ADGRL3: variants seen among roughly 807,000 people sequenced by gnomAD.
ADGRL3 encodes the protein adhesion G protein-coupled receptor L3.
Under a neutral mutation model 153.5 loss-of-function variants are expected in ADGRL3, and 62 were observed. The observed-to-expected ratio is 0.40, with a 90% CI of 0.33 to 0.50. The LOEUF (loss-of-function observed/expected upper bound fraction) is 0.50. ADGRL3 is among the 20% of genes least tolerant of loss of function. The probability of loss-of-function intolerance (pLI) is 0.47; values close to 1 mark genes in which losing one functional copy is unlikely to be tolerated. For synonymous variants in ADGRL3, 710 were observed against 672.5 expected (o/e 1.06, Z -0.86); for missense variants, 1,641 against 1,859.4 (o/e 0.88, Z 2.16).
At chr4:61,246,958 T>C (rs967682828) in intron 1 of ADGRL3, among the ~76,000 whole-genome samples, 2 of 152,060 alleles carry the variant, frequency 1.3e-5, no homozygotes, top group African/African-American at 2.4e-5. Context: ...ATTTATACTA[T>C]ATAACACAAC....
At chr4:61,528,035 A>C (rs943167270) in intron 4 of ADGRL3, among the ~76,000 whole-genome samples, 9 of 152,060 alleles carry the variant, frequency 5.9e-5, no homozygotes, top group Admixed American at 5.9e-4. Flanking sequence ...GAAGCAGTGT[A>C]ATTTAGTGAT....
chr4:61,946,346 G>T (rs2098924013), intron 15 of ADGRL3, among the ~76,000 whole-genome samples: 1 of 151,758 alleles, frequency 6.6e-6, no homozygotes, highest in Non-Finnish European at 1.5e-5. Context: ...GTGTCTATTG[G>T]CCTTTCCTTT....
At chr4:61,973,841 A>G (rs564672815) in intron 17 of ADGRL3, among the ~76,000 whole-genome samples, 1 of 152,292 alleles carries the variant, frequency 6.6e-6, no homozygotes, top group South Asian at 2.1e-4. Flanking sequence ...ATACAAATGA[A>G]TTAGTATTTT....
chr4:61,225,014 T>C (rs1747296940), intron 1 of ADGRL3, among the ~76,000 whole-genome samples: 1 of 152,224 alleles, frequency 6.6e-6, no homozygotes, highest in Non-Finnish European at 1.5e-5. Flanking sequence ...CATCCTTCTT[T>C]TATGCTTCCT....
Position 61,909,717 on chromosome 4 carries a change from A to G in ADGRL3, c.2045A>G (p.Lys682Arg). The change falls in exon 12 of 27, where the codon AAA becomes AGA. Residue 682 changes from lysine to arginine, a missense_variant. Transcript: ENST00000683033. ...CTTCGGAACTTGACCCCAGGTGGAA[A>G]AGATAGTGCTGCCCGGAGTTTGAAC... ...VQLRNLTPGG[K>R]DSAARSLNKL... 1 of 1,569,356 alleles carries G rather than the reference A, an allele frequency of 6.4e-7. No homozygotes were observed. The highest frequency in any genetic ancestry group is 8.6e-7 in the Non-Finnish European group (1 of 1,157,112).
chr4:61,307,234 T>C lies in ADGRL3; in HGVS notation c.-239-75890T>C, dbSNP rs143264504. On this transcript the variant is annotated intron_variant, in intron 1 of 26. Transcript: ENST00000683033. ...ACTGGAAAGATATTTTGAAAATTAA[T>C]ATAATAATGAAAAATGGTTATTACT... is the stretch of plus-strand genomic sequence containing the variant. Among the ~76,000 whole-genome samples the C allele has an allele frequency of 6.6e-5, 10 of 152,306 alleles. No homozygotes were observed. The East Asian group carries it at 1.9e-3, about 29-fold the overall frequency.
At chr4:61,934,373 A>G (rs528090782) in intron 13 of ADGRL3, among the ~76,000 whole-genome samples, 2 of 152,346 alleles carry the variant, frequency 1.3e-5, no homozygotes, top group East Asian at 3.9e-4. Context: ...TCAACCTATA[A>G]GCAACAAATT....
At chr4:61,569,940 A>T (rs2098831673) in intron 4 of ADGRL3, among the ~76,000 whole-genome samples, 1 of 152,140 alleles carries the variant, frequency 6.6e-6, no homozygotes, top group African/African-American at 2.4e-5. Context: ...GCTGAGTGAC[A>T]TTACATTGTA....
At chr4:61,455,268 A>G (rs1309728849) in intron 2 of ADGRL3, among the ~76,000 whole-genome samples, 1 of 152,198 alleles carries the variant, frequency 6.6e-6, no homozygotes, top group Non-Finnish European at 1.5e-5. Flanking sequence ...TGGGAATAGC[A>G]TCGAAGCAGT....
At chr4:61,411,580 T>C (rs2097088481) in intron 2 of ADGRL3, among the ~76,000 whole-genome samples, 1 of 152,230 alleles carries the variant, frequency 6.6e-6, no homozygotes, top group African/African-American at 2.4e-5. Context: ...TGTATTCAGC[T>C]TCCAGGTTTG....
At chr4:61,308,108 T>G (rs2094865259) in intron 1 of ADGRL3, among the ~76,000 whole-genome samples, 1 of 152,108 alleles carries the variant, frequency 6.6e-6, no homozygotes, top group Non-Finnish European at 1.5e-5. Context: ...AAAAGTTGCT[T>G]ATGAGCATGC....
At chr4:61,250,920 A>G (rs1758981226) in intron 1 of ADGRL3, among the ~76,000 whole-genome samples, 1 of 152,194 alleles carries the variant, frequency 6.6e-6, no homozygotes, top group Middle Eastern at 3.2e-3. Flanking sequence ...TGAAGCCTTA[A>G]CAGTATATCT....
chr4:61,679,112 G>A (rs2095278206), intron 6 of ADGRL3, among the ~76,000 whole-genome samples: 1 of 152,046 alleles, frequency 6.6e-6, no homozygotes, highest in African/African-American at 2.4e-5. Flanking sequence ...CATAGCACCA[G>A]CATCTACTCG....
At chr4:61,779,752 T>A (rs1580790100) in intron 8 of ADGRL3, among the ~76,000 whole-genome samples, 1 of 152,134 alleles carries the variant, frequency 6.6e-6, no homozygotes, top group Admixed American at 6.6e-5. Context: ...TTTTGTGTTT[T>A]AAATTTCTGT....
intron 1 of ADGRL3, among the ~76,000 whole-genome samples, chr4:61,281,069 C>T (rs1365415673): frequency 2.0e-5 from 3 of 151,988 alleles, no homozygotes; most frequent in South Asian, 2.1e-4. Flanking sequence ...TTAATACTTC[C>T]AGTAATTACT....
intron 1 of ADGRL3, among the ~76,000 whole-genome samples, chr4:61,355,379 A>G (rs964710871): frequency 2.6e-5 from 4 of 152,052 alleles, no homozygotes; most frequent in Non-Finnish European, 4.4e-5. Flanking sequence ...GTGTATCTAT[A>G]GTTCATCTTT....
At chr4:61,736,501 C>CA (rs995784415) in intron 8 of ADGRL3, among the ~76,000 whole-genome samples, 7 of 151,844 alleles carry the variant, frequency 4.6e-5, no homozygotes, top group African/African-American at 7.3e-5. Flanking sequence ...ACTAAAAATA[C>CA]AAAAAAATTA....
chr4:61,520,527 G>C (rs1391368259), intron 4 of ADGRL3, among the ~76,000 whole-genome samples: 1 of 151,854 alleles, frequency 6.6e-6, no homozygotes. Flanking sequence ...TCCACAAGAG[G>C]GTTATATATT....
intron 9 of ADGRL3, among the ~76,000 whole-genome samples, chr4:61,817,291 G>C (rs2097699629): frequency 6.6e-6 from 1 of 152,194 alleles, no homozygotes; most frequent in African/African-American, 2.4e-5. Flanking sequence ...CCTGAAGCCT[G>C]TGGGTTGGGC....
Sources: allele counts gnomAD v4.1 joint callset (sites outside exome capture counted in the v4.1 genomes callset), GRCh38; gene constraint gnomAD v4.1.1; transcripts MANE v1.5; gene names NCBI Gene and HGNC (gene_info 2026-07-23, HGNC 2026-07-21).